The following GRIK1 variants were observed in gnomAD, a reference collection of about 807,000 sequenced individuals.
GRIK1 encodes the protein glutamate receptor ionotropic, kainate 1.
GRIK1 carries 69 observed loss-of-function variants against 105.7 expected under a neutral mutation model. The ratio of observed to expected loss-of-function variants is 0.65; its 90% CI spans 0.54 to 0.80. The LOEUF is 0.80. GRIK1 is among the 30% of genes least tolerant of loss of function. The probability of loss-of-function intolerance (pLI) is 0.00; values close to 1 mark genes in which losing one functional copy is unlikely to be tolerated. For synonymous variants in GRIK1, 438 were observed against 431.3 expected, an observed-to-expected ratio of 1.02 and a Z score of -0.19; for missense variants, 1,109 against 1,167.3, an observed-to-expected ratio of 0.95 and a Z score of 0.73.
intron 1 of GRIK1, among the ~76,000 whole-genome samples, chr21:29,921,842 G>T (rs1396454288): frequency 6.6e-6 from 1 of 152,124 alleles, no homozygotes. Context: ...GAAAATTTTG[G>T]TTTAAAAATT....
chr21:29,880,168 AC>A (rs2069352498), intron 1 of GRIK1, among the ~76,000 whole-genome samples: 1 of 152,118 alleles, frequency 6.6e-6, no homozygotes, highest in Admixed American at 6.6e-5. Context: ...ACACAAAAAA[AC>A]CTCAAGTCTA....
chr21:29,635,065 G>T (rs983027863), intron 7 of GRIK1, among the ~76,000 whole-genome samples: 1 of 152,156 alleles, frequency 6.6e-6, no homozygotes, highest in Non-Finnish European at 1.5e-5. Flanking sequence ...GGGCAAAGAA[G>T]GTTGAGAAAA....
At chr21:29,701,886 G>A (rs575101229) in intron 1 of GRIK1, among the ~76,000 whole-genome samples, 1 of 152,316 alleles carries the variant, frequency 6.6e-6, no homozygotes, top group African/African-American at 2.4e-5. Context: ...ATAAGTAAGA[G>A]GAAGGGAGTT....
intron 1 of GRIK1, among the ~76,000 whole-genome samples, chr21:29,868,930 G>A (rs1324746072): frequency 6.6e-6 from 1 of 152,172 alleles, no homozygotes; most frequent in East Asian, 1.9e-4. Flanking sequence ...GTTTTTAAAT[G>A]ATGGTTTCCA....
intron 1 of GRIK1, among the ~76,000 whole-genome samples, chr21:29,895,391 C>T (rs933200971): frequency 1.3e-5 from 2 of 152,172 alleles, no homozygotes; most frequent in African/African-American, 4.8e-5. Flanking sequence ...ACTCACAGTT[C>T]ATTGCACTTT....
intron 16 of GRIK1, among the ~76,000 whole-genome samples, chr21:29,542,183 A>G (rs1383803628): frequency 6.6e-6 from 1 of 152,158 alleles, no homozygotes; most frequent in Admixed American, 6.5e-5. Flanking sequence ...AGTTTTGCAG[A>G]AAGTTATTTC....
intron 1 of GRIK1, among the ~76,000 whole-genome samples, chr21:29,757,424 T>A (rs1374994866): frequency 2.6e-5 from 4 of 152,234 alleles, no homozygotes; most frequent in African/African-American, 7.2e-5. Flanking sequence ...AGTGCATCAA[T>A]TAAGTAAACT....
In GRIK1 at chr21:29,651,310, G is replaced by T. The variant is rs374023443; in HGVS notation, c.781-19C>A. 2.6e-6 allele frequency: 4 copies of T among 1,525,476 alleles called. No homozygotes were observed. In the African/African-American group the frequency reaches 5.6e-5, roughly 21 times the overall value. 94.5% of individuals were successfully genotyped at this position (1,525,476 alleles called of 1,614,324 possible). A position where few individuals can be genotyped will look rare whatever the true frequency, so the allele number is the denominator to read the frequency against. On this transcript the variant is annotated intron_variant, in intron 5 of 17. Coordinates refer to ENST00000327783, the MANE Select transcript of GRIK1 (RefSeq NM_001330994.2). ...ATAAGTCCTGCATAGTATCAAAAAGGATAACAGTGGAAAATAATTAGAATT... is the reference window on the plus strand; with the variant it reads ...ATAAGTCCTGCATAGTATCAAAAAGTATAACAGTGGAAAATAATTAGAATT...
intron 1 of GRIK1, among the ~76,000 whole-genome samples, chr21:29,718,612 T>C (rs970209948): frequency 2.6e-5 from 4 of 152,230 alleles, no homozygotes; most frequent in African/African-American, 9.6e-5. Context: ...GCCTTGCATA[T>C]TGCAAGAAAT....
chr21:29,551,274 A>C (rs2090130013), intron 16 of GRIK1, among the ~76,000 whole-genome samples: 1 of 152,242 alleles, frequency 6.6e-6, no homozygotes, highest in South Asian at 2.1e-4. Flanking sequence ...CTATTTGAGA[A>C]ACATTTGCCA....
At chr21:29,884,406 C>G (rs1416627556) in intron 1 of GRIK1, among the ~76,000 whole-genome samples, 1 of 151,944 alleles carries the variant, frequency 6.6e-6, no homozygotes. Context: ...AGAGGAAGAA[C>G]AGGTTGGTTG....
At chr21:29,859,077 C>T (rs974797840) in intron 1 of GRIK1, among the ~76,000 whole-genome samples, 1 of 151,548 alleles carries the variant, frequency 6.6e-6, no homozygotes, top group Non-Finnish European at 1.5e-5. Context: ...ATGGATGAAG[C>T]TGGAAACCAT....
rs747553172 is a variant in GRIK1 at position 29,939,536 on chromosome 21, G to A, written c.-36C>T. 3.0e-6 allele frequency: 4 copies of A among 1,351,326 alleles called. No homozygotes were observed. Among genetic ancestry groups the A allele is most frequent in the Admixed American group, 2.1e-5 (1 of 48,220 alleles). The allele number at this position is 1,351,326 out of a possible 1,614,324, so 83.7% of individuals were successfully genotyped here. ...TCTTAATTCATGCCGAGATACAGCC[G>A]CTGCCGGACGCCCGAGAGATGCACC... On this transcript the variant is annotated 5_prime_UTR_variant, in exon 1 of 18. Coordinates refer to ENST00000327783, the MANE Select transcript of GRIK1 (RefSeq NM_001330994.2).
At position 29,561,744 on chromosome 21, in the gene GRIK1, T is replaced by C; in HGVS notation, c.2236A>G (p.Thr746Ala). 6.2e-7 allele frequency: 1 copy of C among 1,613,848 alleles called. No homozygotes were observed. Among genetic ancestry groups the C allele is most frequent in the Non-Finnish European group, 8.5e-7 (1 of 1,179,724 alleles). The change falls in exon 15 of 18, where the codon ACA (threonine) becomes GCA (alanine). Residue 746 changes from threonine (T) to alanine (A), a missense_variant. By Grantham distance (58) the Thr-to-Ala change is moderately conservative (BLOSUM62 0). Around this residue, in one of 5 missense-constraint regions of GRIK1, gnomAD observed 264 missense variants for 306.9 expected, o/e 0.86. Transcript: ENST00000327783. ...SDEGIQRVLTTDYALLMESTS... is the reference protein window; with the variant it reads ...SDEGIQRVLTADYALLMESTS... Reference sequence around the variant, plus strand: ...GACTCCATCAGCAGCGCGTAGTCTGTGGTGAGCACTCTCTGGATCCCCTCA... The same window carrying C: ...GACTCCATCAGCAGCGCGTAGTCTGCGGTGAGCACTCTCTGGATCCCCTCA...
At chr21:29,722,199 A>T (rs2064339764) in intron 1 of GRIK1, among the ~76,000 whole-genome samples, 1 of 152,096 alleles carries the variant, frequency 6.6e-6, no homozygotes, top group African/African-American at 2.4e-5. Context: ...TAATTAGAAG[A>T]AGGACATTGA....
intron 1 of GRIK1, among the ~76,000 whole-genome samples, chr21:29,917,555 T>G (rs1439014453): frequency 1.3e-5 from 2 of 152,056 alleles, no homozygotes; most frequent in Non-Finnish European, 2.9e-5. Flanking sequence ...GCATTTACAT[T>G]GAAATGTTCT....
chr21:29,782,382 G>A (rs2066148298), intron 1 of GRIK1, among the ~76,000 whole-genome samples: 1 of 152,160 alleles, frequency 6.6e-6, no homozygotes, highest in African/African-American at 2.4e-5. Context: ...TTTCGGTAAT[G>A]TTCCCTTTCT....
intron 1 of GRIK1, among the ~76,000 whole-genome samples, chr21:29,854,868 G>C (rs1374484044): frequency 6.6e-6 from 1 of 152,142 alleles, no homozygotes; most frequent in East Asian, 1.9e-4. Context: ...TAAGAAACTA[G>C]CTGGCTGAAC....
At chr21:29,781,936 C>T (rs373853611) in intron 1 of GRIK1, among the ~76,000 whole-genome samples, 338 of 150,908 alleles carry the variant, frequency 2.2e-3, no homozygotes, top group African/African-American at 7.9e-3. Flanking sequence ...TCCCAAAGTG[C>T]TGGGATTACA....
Sources: allele counts gnomAD v4.1 joint callset (sites outside exome capture counted in the v4.1 genomes callset), GRCh38; gene constraint gnomAD v4.1.1; regional missense constraint gnomAD v4.1.1; transcripts MANE v1.5; gene names NCBI Gene and HGNC (gene_info 2026-07-23, HGNC 2026-07-21).